GRIN2D: variants seen among roughly 807,000 people sequenced by gnomAD.
GRIN2D encodes glutamate ionotropic receptor NMDA type subunit 2D.
Under a neutral mutation model 103.2 loss-of-function variants are expected in GRIN2D, and 37 were observed. The observed-to-expected ratio is 0.36, with a 90% CI of 0.28 to 0.47. The LOEUF (loss-of-function observed/expected upper bound fraction) is 0.47, where lower values mean the gene tolerates loss of function less well. Among genes scored for constraint, GRIN2D ranks in the 20% least tolerant of loss-of-function variants. The pLI, the probability that GRIN2D is intolerant of heterozygous loss-of-function variation, is 1.00. For synonymous variants in GRIN2D, 845 were observed against 885.6 expected (o/e 0.95, Z 0.81); for missense variants, 1,557 against 1,910.6 (o/e 0.81, Z 3.45).
rs1160315070 is a variant in GRIN2D, at chr19:48,405,695, A to G, written c.1085+342A>G. Among the ~76,000 whole-genome samples, 2 of 152,184 alleles carry G rather than the reference A, an allele frequency of 1.3e-5. No homozygotes were observed. Among genetic ancestry groups the G allele is most frequent in the Non-Finnish European group, 2.9e-5 (2 of 68,038 alleles). On this transcript the variant is annotated intron_variant, in intron 4 of 13. Transcript: ENST00000263269. This position sits in a 1 kb window ranked among gnomAD's most constrained non-coding sequence, Gnocchi z 5.1. ...TTCTTTGTGGTACATCTTATAATTG[A>G]GAGCATTTTAGATTTAGTCTAAATA...
intron 2 of GRIN2D, among the ~76,000 whole-genome samples, chr19:48,397,605 C>T (rs1340504303): frequency 6.6e-6 from 1 of 151,934 alleles, no homozygotes; most frequent in South Asian, 2.1e-4. Context: ...TTTCTTGCCT[C>T]GCTTATCTCT....
Position 48,442,590 on chromosome 19 carries a change from G to C in GRIN2D, c.2674-10G>C. 1 of 1,497,874 alleles carries C rather than the reference G, an allele frequency of 6.7e-7. No individual in the cohort carries two copies. The highest frequency in any genetic ancestry group is 8.8e-7 in the Non-Finnish European group (1 of 1,130,336). The allele number at this position is 1,497,874 out of a possible 1,614,324, so 92.8% of individuals were successfully genotyped here. On this transcript the variant is annotated splice_polypyrimidine_tract_variant and intron_variant, in intron 13 of 13. Coordinates refer to ENST00000263269, the MANE Select transcript of GRIN2D (RefSeq NM_000836.4). This position sits in a 1 kb window ranked among gnomAD's most constrained non-coding sequence, Gnocchi z 7.2. Reference sequence around the variant, plus strand: ...TCGCGCTGACCCCCGTCCTGTCCCCGGACCCGCAGGGCATGTACAGCTGCT... The same window carrying C: ...TCGCGCTGACCCCCGTCCTGTCCCCCGACCCGCAGGGCATGTACAGCTGCT...
At chr19:48,399,713 G>C (rs897414577) in intron 3 of GRIN2D, among the ~76,000 whole-genome samples, 12 of 150,750 alleles carry the variant, frequency 8.0e-5, no homozygotes, top group Non-Finnish European at 1.8e-4. Context: ...CTAGAAGTCA[G>C]CCAGGGATGG....
chr19:48,409,577 G>A (rs147014475), intron 4 of GRIN2D, among the ~76,000 whole-genome samples: 9 of 151,560 alleles, frequency 5.9e-5, no homozygotes, highest in Non-Finnish European at 1.2e-4. Flanking sequence ...GCACCTGGCC[G>A]TAAATTTCAA....
rs1175967312 is a variant in GRIN2D, at chr19:48,442,811, A to C, written c.2885A>C (p.His962Pro). 1 of 1,072,128 alleles carries C rather than the reference A, an allele frequency of 9.3e-7. No homozygotes were observed. Among genetic ancestry groups the C allele is most frequent in the Non-Finnish European group, 1.1e-6 (1 of 887,918 alleles). The allele number at this position is 1,072,128 out of a possible 1,614,324, so 66.4% of individuals were successfully genotyped here. Reference sequence around the variant, plus strand: ...GGCGCGGGCCTGGCCGACGGCTTCCACCGCTACTACGGCCCCATCGAGCCG... The same window carrying C: ...GGCGCGGGCCTGGCCGACGGCTTCCCCCGCTACTACGGCCCCATCGAGCCG... ...PGGAGLADGF[H>P]RYYGPIEPQG... Residue 962 changes from histidine to proline, a missense_variant, in exon 14 of 14, where the codon CAC (histidine) becomes CCC (proline). By Grantham distance (77) the His-to-Pro change is moderately conservative. Transcript: ENST00000263269. The surrounding 1 kb of genome is among the most constrained non-coding windows in gnomAD (Gnocchi z 7.2).
Position 48,416,044 on chromosome 19 carries a change from A to G in GRIN2D, c.1624A>G (p.Ile542Val). ...RADMAIGSLT[I>V]NEERSEIVDF... The stretch of plus-strand genomic sequence containing the variant: ...AGACATGGCCATCGGCTCCCTCACC[A>G]TCAACGAGGAGCGCTCCGAGATCGT... The change falls in exon 8 of 14, where the codon ATC (isoleucine) becomes GTC (valine). Residue 542 changes from isoleucine to valine, a missense_variant. This residue lies in a region of GRIN2D where 197 missense variants were observed against 334.1 expected (regional missense o/e 0.59). Transcript: ENST00000263269. 6.2e-7 allele frequency: 1 copy of G among 1,613,298 alleles called. No individual in the cohort carries two copies. The highest frequency in any genetic ancestry group is 8.5e-7 in the Non-Finnish European group (1 of 1,179,784).
In GRIN2D at chr19:48,398,689, C is replaced by G; in HGVS notation, c.297C>G (p.Leu99=). ...LVLNGSDPRS[L]VLQLCDLLSG... ...TCAACGGCTCGGACCCGCGCAGCCTCGTGCTGCAGCTCTGCGACCTGCTGT... is the reference window on the plus strand; with the variant it reads ...TCAACGGCTCGGACCCGCGCAGCCTGGTGCTGCAGCTCTGCGACCTGCTGT... The change falls in exon 3 of 14, where the codon CTC becomes CTG. Residue 99 remains leucine, a synonymous_variant. Coordinates refer to ENST00000263269, the MANE Select transcript of GRIN2D (RefSeq NM_000836.4). 1.4e-6 allele frequency: 2 copies of G among 1,462,362 alleles called. No homozygotes were observed. The highest frequency in any genetic ancestry group is 3.0e-5 in the East Asian group (1 of 32,932). The allele number at this position is 1,462,362 out of a possible 1,614,324, so 90.6% of individuals were successfully genotyped here. A position where few individuals can be genotyped will look rare whatever the true frequency, so the allele number is the denominator to read the frequency against.
rs1971020940 is a variant in GRIN2D, at chr19:48,421,404, G to C, written c.2092-381G>C. ...CAGTGTGCCATTGCACTCCAGCCTG[G>C]GCAACAAGAGCAAGACTCCGTTTAA... On this transcript the variant is annotated intron_variant, in intron 10 of 13. Transcript: ENST00000263269. This position sits in a 1 kb window ranked among gnomAD's most constrained non-coding sequence, Gnocchi z 4.8. 6.7e-6 allele frequency among the ~76,000 whole-genome samples: 1 copy of C among 149,414 alleles called. No individual in the cohort carries two copies. Among genetic ancestry groups the C allele is most frequent in the African/African-American group, 2.5e-5 (1 of 39,928 alleles).
At position 48,442,949 on chromosome 19, in the gene GRIN2D, TC is replaced by T; in HGVS notation, c.3024del (p.Phe1008LeufsTer510). 2.6e-6 allele frequency: 3 copies of T among 1,136,610 alleles called. No homozygotes were observed. The highest frequency in any genetic ancestry group is 3.3e-6 in the Non-Finnish European group (3 of 918,406). The allele number at this position is 1,136,610 out of a possible 1,614,324, so 70.4% of individuals were successfully genotyped here. On this transcript the variant is annotated frameshift_variant, in exon 14 of 14. Transcript: ENST00000263269. LOFTEE classifies it high-confidence loss of function. This position sits in a 1 kb window ranked among gnomAD's most constrained non-coding sequence, Gnocchi z 7.2. ...CCGCAGAAGCCGCCGCCCTCCTATT[TC>T]GCCATCGTACGCGACAAGGAGCCAG... ...QPPQKPPPSY[F>X]AIVRDKEPAE...
chr19:48,421,889 C>T lies in GRIN2D; in HGVS notation c.2196C>T (p.Tyr732=). 2 of 1,614,156 alleles carry T rather than the reference C, an allele frequency of 1.2e-6. No homozygotes were observed. The highest frequency in any genetic ancestry group is 1.7e-6 in the Non-Finnish European group (2 of 1,180,012). ...IRSNYPDMHS[Y]MVRYNQPRVE... The stretch of plus-strand genomic sequence containing the variant: ...GCAACTATCCCGACATGCACAGCTA[C>T]ATGGTGCGCTACAACCAGCCCCGCG... Residue 732 remains tyrosine, a synonymous_variant, in exon 11 of 14, where the codon TAC becomes TAT. Coordinates refer to ENST00000263269, the MANE Select transcript of GRIN2D (RefSeq NM_000836.4). The surrounding 1 kb of genome is among the most constrained non-coding windows in gnomAD (Gnocchi z 4.8).
At chr19:48,424,974 C>A (rs1196512322) in intron 11 of GRIN2D, among the ~76,000 whole-genome samples, 1 of 152,190 alleles carries the variant, frequency 6.6e-6, no homozygotes, top group African/African-American at 2.4e-5. Context: ...GTTTTCTTCT[C>A]GCCAGCCCTT....
In GRIN2D at chr19:48,404,879, T is replaced by A; in HGVS notation, c.611T>A (p.Ile204Asn). ...GGCCACCGGGCCTTCCTGTCCTACA[T>A]TGAGGTGCTGACTGACGGTAGTCTG... ...APGHRAFLSY[I>N]EVLTDGSLVG... Residue 204 changes from isoleucine (I) to asparagine (N), a missense_variant, in exon 4 of 14, where the codon ATT (isoleucine) becomes AAT (asparagine). This residue lies in a region of GRIN2D where 490 missense variants were observed against 601.1 expected (regional missense o/e 0.82). Coordinates refer to ENST00000263269, the MANE Select transcript of GRIN2D (RefSeq NM_000836.4). 1 of 1,614,164 alleles carries A rather than the reference T, an allele frequency of 6.2e-7. No homozygotes were observed.
chr19:48,398,420 C>A lies in GRIN2D; in HGVS notation c.28C>A (p.Pro10Thr), dbSNP rs1473663651. The change falls in exon 3 of 14, where the codon CCT becomes ACT. Residue 10 changes from proline to threonine, a missense_variant. By Grantham distance (38) the Pro-to-Thr change is conservative. Around this residue, in one of 7 missense-constraint regions of GRIN2D, gnomAD observed 490 missense variants for 601.1 expected, o/e 0.82. Coordinates refer to ENST00000263269, the MANE Select transcript of GRIN2D (RefSeq NM_000836.4). MRGAGGPRG[P>T]RGPAKMLLLL... ...GCGCGGCGCCGGTGGCCCCCGCGGC[C>A]CTCGGGGCCCCGCTAAGATGCTGCT... 2.7e-6 allele frequency: 3 copies of A among 1,120,160 alleles called. No individual in the cohort carries two copies. The East Asian group carries it at 1.4e-4, about 53-fold the overall frequency. 69.4% of individuals were successfully genotyped at this position (1,120,160 alleles called of 1,614,324 possible).
At position 48,443,493 on chromosome 19, in the gene GRIN2D, G is replaced by A; in HGVS notation, c.3567G>A (p.Leu1189=). 1.5e-6 allele frequency: 2 copies of A among 1,357,182 alleles called. No homozygotes were observed. Among genetic ancestry groups the A allele is most frequent in the Non-Finnish European group, 1.9e-6 (2 of 1,055,494 alleles). 84.1% of individuals were successfully genotyped at this position (1,357,182 alleles called of 1,614,324 possible). The change falls in exon 14 of 14, where the codon CTG becomes CTA. Residue 1189 remains leucine (L), a synonymous_variant. Transcript: ENST00000263269. The surrounding 1 kb of genome is among the most constrained non-coding windows in gnomAD (Gnocchi z 8.9). ...GGCACTGCGCCAGCCTGGAGCTGCTGCCGCCGCCGCGCCATCTCAGCTGCT... is the reference window on the plus strand; with the variant it reads ...GGCACTGCGCCAGCCTGGAGCTGCTACCGCCGCCGCGCCATCTCAGCTGCT... ...HCRHCASLEL[L]PPPRHLSCSH... is the part of the protein sequence containing the mutation.
At chr19:48,416,534 T>C (rs1970950760) in intron 8 of GRIN2D, among the ~76,000 whole-genome samples, 2 of 152,302 alleles carry the variant, frequency 1.3e-5, no homozygotes, top group South Asian at 4.1e-4. Flanking sequence ...GTACTAGGTA[T>C]GAGATGAAGA....
intron 2 of GRIN2D, among the ~76,000 whole-genome samples, chr19:48,396,143 G>A (rs1262937743): frequency 1.3e-5 from 2 of 152,102 alleles, no homozygotes; most frequent in African/African-American, 4.8e-5. Flanking sequence ...AGATGGAAGT[G>A]GAAACGGAGG....
In GRIN2D at chr19:48,443,270, C is replaced by CG; in HGVS notation, c.3346dup (p.Glu1116GlyfsTer216). ...GATCTCGAGCCGTCGCCGTCGGACT[C>CG]GGAGGACTCGGAGAGCCTGGGCGGC... On this transcript the variant is annotated frameshift_variant, in exon 14 of 14. Coordinates refer to ENST00000263269, the MANE Select transcript of GRIN2D (RefSeq NM_000836.4). LOFTEE classifies it high-confidence loss of function. The surrounding 1 kb of genome is among the most constrained non-coding windows in gnomAD (Gnocchi z 8.9). 1 of 1,530,014 alleles carries CG rather than the reference C, an allele frequency of 6.5e-7. No individual in the cohort carries two copies. The highest frequency in any genetic ancestry group is 8.7e-7 in the Non-Finnish European group (1 of 1,147,524). The allele number at this position is 1,530,014 out of a possible 1,614,324, so 94.8% of individuals were successfully genotyped here. A position where few individuals can be genotyped will look rare whatever the true frequency, so the allele number is the denominator to read the frequency against.
At chr19:48,433,722 A>G (rs573760186) in intron 11 of GRIN2D, among the ~76,000 whole-genome samples, 1 of 152,340 alleles carries the variant, frequency 6.6e-6, no homozygotes, top group South Asian at 2.1e-4. Flanking sequence ...CCTTTCCGTA[A>G]TGTAAGCATT....
Position 48,444,565 on chromosome 19 carries a change from C to T in GRIN2D, c.*628C>T, listed in dbSNP as rs988862009. 1 of 152,790 alleles carries T rather than the reference C, an allele frequency of 6.5e-6. No individual in the cohort carries two copies. The allele number at this position is 152,790 out of a possible 1,614,324, so 9.5% of individuals were successfully genotyped here. A position where few individuals can be genotyped will look rare whatever the true frequency, so the allele number is the denominator to read the frequency against. Reference sequence around the variant, plus strand: ...ACATCAAACCGTGACACCCCCTCCTCCTCTTCCACCCTCGGTCGCTTTTCC... The same window carrying T: ...ACATCAAACCGTGACACCCCCTCCTTCTCTTCCACCCTCGGTCGCTTTTCC... On this transcript the variant is annotated 3_prime_UTR_variant, in exon 14 of 14. Transcript: ENST00000263269. This position sits in a 1 kb window ranked among gnomAD's most constrained non-coding sequence, Gnocchi z 5.5.
Sources: allele counts gnomAD v4.1 joint callset (sites outside exome capture counted in the v4.1 genomes callset), GRCh38; gene constraint gnomAD v4.1.1; regional missense constraint gnomAD v4.1.1; non-coding constraint Gnocchi (gnomAD v3.1); transcripts MANE v1.5; gene names NCBI Gene and HGNC (gene_info 2026-07-23, HGNC 2026-07-21).